DAB1: variants seen among roughly 807,000 people sequenced by gnomAD.
DAB1 encodes the protein DAB adaptor protein 1.
Under a neutral mutation model 64.6 loss-of-function variants are expected in DAB1, and 15 were observed. That is an observed-to-expected ratio of 0.23 (90% CI 0.16 to 0.36). The LOEUF (loss-of-function observed/expected upper bound fraction) is 0.36. DAB1 is among the 10% of genes least tolerant of loss of function. The pLI, the probability that DAB1 is intolerant of heterozygous loss-of-function variation, is 1.00. For missense variants in DAB1, 596 were observed against 706.7 expected (o/e 0.84, Z 1.78); for synonymous variants, 235 against 251.9 (o/e 0.93, Z 0.64).
intron 6 of DAB1, among the ~76,000 whole-genome samples, chr1:57,776,866 G>T (rs1036160595): frequency 6.6e-6 from 1 of 151,608 alleles, no homozygotes; most frequent in African/African-American, 2.4e-5. Context: ...GAGGAAAGAT[G>T]ATTTTATTTA....
At chr1:58,181,021 C>G (rs1399724232) in intron 4 of DAB1, among the ~76,000 whole-genome samples, 1 of 152,098 alleles carries the variant, frequency 6.6e-6, no homozygotes, top group Non-Finnish European at 1.5e-5. Flanking sequence ...CTCCATATAA[C>G]TGATGATTTT....
intron 7 of DAB1, among the ~76,000 whole-genome samples, chr1:57,561,347 C>G (rs1227311567): frequency 6.6e-6 from 1 of 152,182 alleles, no homozygotes; most frequent in Admixed American, 6.5e-5. Flanking sequence ...GAACTTTGAG[C>G]AGTGCACCTG....
At chr1:57,832,352 A>G (rs953410157) in intron 1 of DAB1, among the ~76,000 whole-genome samples, 2 of 152,186 alleles carry the variant, frequency 1.3e-5, no homozygotes, top group Non-Finnish European at 2.9e-5. Flanking sequence ...CAATCATACC[A>G]CTGGATAGCC....
chr1:57,145,829 C>T (rs1659069264), intron 2 of DAB1, among the ~76,000 whole-genome samples: 1 of 152,174 alleles, frequency 6.6e-6, no homozygotes, highest in African/African-American at 2.4e-5. Flanking sequence ...AATATGAGCA[C>T]CGAGTCTCTG....
chr1:57,238,775 C>A lies in DAB1; in HGVS notation c.67+52189G>T, dbSNP rs368538605. Among the ~76,000 whole-genome samples the A allele has an allele frequency of 5.6e-4, 85 of 151,488 alleles. 1 individual carries two copies. The South Asian group carries it at 0.015, about 27-fold the overall frequency. On this transcript the variant is annotated intron_variant, in intron 2 of 14. Transcript: ENST00000371236. Reference sequence around the variant, plus strand: ...CTGGAAATAGTTCTATAGTACTGGGCAGAAATAAGGGGAGAGAAGAAAAAA... The same window carrying A: ...CTGGAAATAGTTCTATAGTACTGGGAAGAAATAAGGGGAGAGAAGAAAAAA...
At chr1:57,653,671 G>C (rs1305754064) in intron 6 of DAB1, among the ~76,000 whole-genome samples, 5 of 152,006 alleles carry the variant, frequency 3.3e-5, no homozygotes, top group African/African-American at 4.8e-5. Flanking sequence ...GCAGTGAAGT[G>C]GCACTATCTC....
chr1:57,051,372 T>C (rs1003647251), intron 9 of DAB1, among the ~76,000 whole-genome samples: 2 of 152,184 alleles, frequency 1.3e-5, no homozygotes, highest in African/African-American at 4.8e-5. Flanking sequence ...AACATCTTGA[T>C]CCAGATTTCA....
chr1:57,022,761 G>C (rs545895964), intron 11 of DAB1, among the ~76,000 whole-genome samples: 3 of 152,314 alleles, frequency 2.0e-5, no homozygotes, highest in Admixed American at 6.5e-5. Context: ...CAAATACATA[G>C]TTAAAGAAAA....
At chr1:57,610,453 C>T (rs1645712350) in intron 7 of DAB1, among the ~76,000 whole-genome samples, 1 of 152,156 alleles carries the variant, frequency 6.6e-6, no homozygotes. Context: ...GGGACTTGCC[C>T]AATGTCACCT....
rs185173632 is a variant in DAB1, at chr1:56,996,130, G to A, written c.*2014C>T. 4 of 152,168 alleles carry A rather than the reference G, an allele frequency of 2.6e-5. No individual in the cohort carries two copies. Among genetic ancestry groups the A allele is most frequent in the South Asian group, 2.1e-4 (1 of 4,816 alleles). 9.4% of individuals were successfully genotyped at this position (152,168 alleles called of 1,614,324 possible). On this transcript the variant is annotated 3_prime_UTR_variant, in exon 15 of 15. Coordinates refer to ENST00000371236, the MANE Select transcript of DAB1 (RefSeq NM_001365792.1). Reference sequence around the variant, plus strand: ...CCATTACCTTCATGTATCACTTTTCGCTTTGTGAACAAGTATACAATCATT... The same window carrying A: ...CCATTACCTTCATGTATCACTTTTCACTTTGTGAACAAGTATACAATCATT...
intron 5 of DAB1, among the ~76,000 whole-genome samples, chr1:58,079,119 C>T (rs1298337571): frequency 1.3e-5 from 2 of 152,156 alleles, no homozygotes; most frequent in Non-Finnish European, 2.9e-5. Context: ...GAAACAAAGG[C>T]TCAGAGAAGT....
At chr1:57,773,368 CACACACAG>C (rs1374917443) in intron 6 of DAB1, among the ~76,000 whole-genome samples, 1 of 151,884 alleles carries the variant, frequency 6.6e-6, no homozygotes, top group Non-Finnish European at 1.5e-5. Context: ...CACACACACA[CACACACAG>C]ACACGTACAC....
intron 6 of DAB1, among the ~76,000 whole-genome samples, chr1:57,803,345 A>C (rs1651215838): frequency 6.6e-6 from 1 of 152,208 alleles, no homozygotes; most frequent in East Asian, 1.9e-4. Context: ...AGCAACTATC[A>C]ACCCATAACC....
At chr1:57,616,314 G>A (rs1448077591) in intron 7 of DAB1, among the ~76,000 whole-genome samples, 1 of 152,042 alleles carries the variant, frequency 6.6e-6, no homozygotes, top group Non-Finnish European at 1.5e-5. Context: ...TTTCCTTGAC[G>A]TATGAAATTT....
chr1:58,454,798 C>A (rs1489279645), intron 3 of DAB1, among the ~76,000 whole-genome samples: 3 of 152,184 alleles, frequency 2.0e-5, no homozygotes, highest in African/African-American at 7.2e-5. Context: ...CAGTAAAGCG[C>A]TTTTCTCCTT....
At chr1:57,347,370 C>T (rs1031849238) in intron 1 of DAB1, among the ~76,000 whole-genome samples, 1 of 152,180 alleles carries the variant, frequency 6.6e-6, no homozygotes, top group Non-Finnish European at 1.5e-5. Flanking sequence ...ATTTTTCTCA[C>T]CCAATATATT....
At chr1:57,823,168 A>G (rs771058679), downstream of DAB1, among the ~76,000 whole-genome samples, 48 of 151,988 alleles carry the variant, frequency 3.2e-4, no homozygotes, top group Non-Finnish European at 5.4e-4. Flanking sequence ...TATTTTTAGT[A>G]GAGATGGGGT....
At chr1:58,494,607 A>C (rs1331776717) in intron 3 of DAB1, among the ~76,000 whole-genome samples, 1 of 152,174 alleles carries the variant, frequency 6.6e-6, no homozygotes, top group Admixed American at 6.5e-5. Context: ...AAGTGGGTGA[A>C]GGATATGAAC....
chr1:57,703,965 T>C (rs1646936853), intron 6 of DAB1, among the ~76,000 whole-genome samples: 1 of 152,046 alleles, frequency 6.6e-6, no homozygotes, highest in African/African-American at 2.4e-5. Context: ...ATGTTCTCAC[T>C]TATAAGTGGG....
Sources: gnomAD v4.1 joint callset for allele counts (sites outside exome capture counted in the v4.1 genomes callset) on GRCh38, gnomAD v4.1.1 for gene constraint, MANE v1.5 for transcripts, NCBI Gene and HGNC (gene_info 2026-07-23, HGNC 2026-07-21) for gene names.